HMCN1: variants seen among roughly 807,000 people sequenced by gnomAD.
The protein encoded by HMCN1 is hemicentin-1.
HMCN1 carries 321 observed loss-of-function variants against 625.9 expected under a neutral mutation model. That is an observed-to-expected ratio of 0.51 (90% CI 0.47 to 0.56). HMCN1 has a LOEUF of 0.56. Ranked by LOEUF, HMCN1 falls within the 20% of genes least tolerant of loss-of-function variation. The probability of loss-of-function intolerance (pLI) is 0.00; values close to 1 mark genes in which losing one functional copy is unlikely to be tolerated. For missense variants in HMCN1, 6,588 were observed against 6,887.3 expected, an observed-to-expected ratio of 0.96 and a Z score of 1.54; for synonymous variants, 2,425 against 2,417.6, an observed-to-expected ratio of 1.00 and a Z score of -0.09.
At chr1:185,849,912 T>C (rs1167812888) in intron 2 of HMCN1, among the ~76,000 whole-genome samples, 1 of 152,206 alleles carries the variant, frequency 6.6e-6, no homozygotes, top group Non-Finnish European at 1.5e-5. Context: ...ACTATTTGCT[T>C]TTCTCTGCCT....
rs139629275 is a variant in HMCN1, at chr1:186,095,422, C to T, written c.10474C>T (p.Gln3492Ter). Reference sequence around the variant, plus strand: ...AGTCAGCACCCATGGAATGGTCCTGCAGCTCCTCAAAGCAGAGACTGAAGA... The same window carrying T: ...AGTCAGCACCCATGGAATGGTCCTGTAGCTCCTCAAAGCAGAGACTGAAGA... ...LTVSTHGMVL[Q>*]LLKAETEDSG... Residue 3492 changes from glutamine (Q) to a stop codon, truncating the protein, a stop_gained, in exon 68 of 107, where the codon CAG becomes TAG. Transcript: ENST00000271588. LOFTEE classifies it high-confidence loss of function. 2 of 1,613,700 alleles carry T rather than the reference C, an allele frequency of 1.2e-6. No individual in the cohort carries two copies. The highest frequency in any genetic ancestry group is 1.7e-6 in the Non-Finnish European group (2 of 1,179,812).
chr1:185,744,521 C>G (rs1571294239), intron 1 of HMCN1, among the ~76,000 whole-genome samples: 4 of 152,138 alleles, frequency 2.6e-5, no homozygotes, highest in Admixed American at 2.6e-4. Flanking sequence ...GTTATTTAGT[C>G]TATCAATTAC....
chr1:185,950,319 G>T (rs1474421587), intron 11 of HMCN1, among the ~76,000 whole-genome samples: 5 of 151,854 alleles, frequency 3.3e-5, no homozygotes, highest in African/African-American at 4.9e-5. Context: ...TGTAGAGAGT[G>T]AGTTGAGCAT....
chr1:186,007,634 T>C (rs1653729211), intron 30 of HMCN1, among the ~76,000 whole-genome samples: 1 of 152,148 alleles, frequency 6.6e-6, no homozygotes, highest in South Asian at 2.1e-4. Flanking sequence ...TGAAATAGAA[T>C]GAAGTTGATG....
At chr1:186,150,136 A>G (rs1036095894) in intron 93 of HMCN1, among the ~76,000 whole-genome samples, 4 of 152,022 alleles carry the variant, frequency 2.6e-5, no homozygotes, top group Non-Finnish European at 5.9e-5. Context: ...CAATTTGTAA[A>G]AAAAACGCAG....
At chr1:186,162,874 G>T (rs1340527278) in intron 97 of HMCN1, among the ~76,000 whole-genome samples, 1 of 152,220 alleles carries the variant, frequency 6.6e-6, no homozygotes, top group Non-Finnish European at 1.5e-5. Context: ...ACCCACTTGA[G>T]GAGGCAGTCT....
intron 2 of HMCN1, among the ~76,000 whole-genome samples, chr1:185,855,718 G>C (rs1300633706): frequency 6.6e-6 from 1 of 152,152 alleles, no homozygotes; most frequent in Non-Finnish European, 1.5e-5. Flanking sequence ...TGAAAGATCA[G>C]TTGCCGATGA....
chr1:185,833,896 T>C (rs904128531), intron 1 of HMCN1, among the ~76,000 whole-genome samples: 3 of 152,358 alleles, frequency 2.0e-5, no homozygotes, highest in African/African-American at 7.2e-5. Flanking sequence ...TGGTTATTTA[T>C]GTATCTGTGC....
chr1:185,969,146 G>A (rs1356635877), intron 14 of HMCN1, among the ~76,000 whole-genome samples: 3 of 152,178 alleles, frequency 2.0e-5, no homozygotes, highest in Non-Finnish European at 4.4e-5. Context: ...AGTGAGGTCA[G>A]ATTGCATCCT....
At position 185,866,867 on chromosome 1, in the gene HMCN1, C is replaced by CT. The variant is rs957688264; in HGVS notation, c.621+1014dup. 1.2e-4 allele frequency among the ~76,000 whole-genome samples: 17 copies of CT among 147,226 alleles called. No individual in the cohort carries two copies. In the East Asian group the frequency reaches 1.4e-3, roughly 12 times the overall value. ...ATTTATTTTTATTTTTTGTTTAGTC[C>CT]TTTTTTTTTTAAGTTCTGGGGTACA... On this transcript the variant is annotated intron_variant, in intron 4 of 106. Transcript: ENST00000271588.
chr1:185,997,829 G>GT (rs1553271943), intron 25 of HMCN1, among the ~76,000 whole-genome samples: 1 of 148,720 alleles, frequency 6.7e-6, no homozygotes, highest in South Asian at 2.1e-4. Flanking sequence ...TTTTTGGCAG[G>GT]TTTTGTCTTT....
At chr1:185,767,954 A>G (rs73058398) in intron 1 of HMCN1, among the ~76,000 whole-genome samples, 13,701 of 152,250 alleles carry the variant, frequency 0.09, 1,964 homozygotes, top group African/African-American at 0.3. Context: ...AAAGATGGCT[A>G]TCAGAAGAAA....
intron 2 of HMCN1, among the ~76,000 whole-genome samples, chr1:185,856,481 C>G (rs1351066836): frequency 6.9e-6 from 1 of 143,894 alleles, no homozygotes; most frequent in Non-Finnish European, 1.5e-5. Context: ...GAGCTAGACC[C>G]TGTCTCAAAA....
intron 11 of HMCN1, among the ~76,000 whole-genome samples, chr1:185,957,305 A>T (rs138665009): frequency 6.6e-6 from 1 of 152,212 alleles, no homozygotes; most frequent in Admixed American, 6.5e-5. Flanking sequence ...ACAAAATGTG[A>T]GTGAGTTTTG....
intron 1 of HMCN1, among the ~76,000 whole-genome samples, chr1:185,821,643 T>G (rs77096385): frequency 0.017 from 2,612 of 151,954 alleles, 82 homozygotes; most frequent in African/African-American, 0.058. Flanking sequence ...TGGCTCTGCT[T>G]TTTTAGACTT....
At chr1:185,926,158 T>G (rs1667266327) in intron 9 of HMCN1, among the ~76,000 whole-genome samples, 1 of 152,202 alleles carries the variant, frequency 6.6e-6, no homozygotes, top group African/African-American at 2.4e-5. Flanking sequence ...AACAACATTT[T>G]GGGAAAATCT....
rs1369226755 is a variant in HMCN1 at position 186,120,389 on chromosome 1, CTGTT to C, written c.12229+247_12229+250del. On this transcript the variant is annotated intron_variant, in intron 80 of 106. Transcript: ENST00000271588. ...TCCTATTTTGAACTTCTATGAACCTCTGTTTGATACTCCATTTCATTATAGCATA... is the reference window on the plus strand; with the variant it reads ...TCCTATTTTGAACTTCTATGAACCTCTGATACTCCATTTCATTATAGCATA... Among the ~76,000 whole-genome samples, 6 of 152,292 alleles carry C rather than the reference CTGTT, an allele frequency of 3.9e-5. No individual in the cohort carries two copies. The South Asian group carries it at 1.2e-3, about 32-fold the overall frequency.
Position 185,987,403 on chromosome 1 carries a change from C to G in HMCN1, c.2936-29C>G, listed in dbSNP as rs753370381. 3.0e-6 allele frequency: 4 copies of G among 1,354,992 alleles called. No individual in the cohort carries two copies. The Admixed American group carries it at 6.7e-5, about 23-fold the overall frequency. 83.9% of individuals were successfully genotyped at this position (1,354,992 alleles called of 1,614,324 possible). A position where few individuals can be genotyped will look rare whatever the true frequency, so the allele number is the denominator to read the frequency against. ...GATTTTAAATGGAAGAACAGGTGCTCAGATTCCAAATCCTACTTACCTTTT... is the reference window on the plus strand; with the variant it reads ...GATTTTAAATGGAAGAACAGGTGCTGAGATTCCAAATCCTACTTACCTTTT... On this transcript the variant is annotated intron_variant, in intron 19 of 106. Coordinates refer to ENST00000271588, the MANE Select transcript of HMCN1 (RefSeq NM_031935.3).
intron 13 of HMCN1, among the ~76,000 whole-genome samples, chr1:185,964,810 T>C (rs1650285609): frequency 6.6e-6 from 1 of 151,994 alleles, no homozygotes; most frequent in Non-Finnish European, 1.5e-5. Flanking sequence ...TGAAAGGTTG[T>C]GGCAAAGGGC....
Sources: gnomAD v4.1 joint callset for allele counts (sites outside exome capture counted in the v4.1 genomes callset) on GRCh38, gnomAD v4.1.1 for gene constraint, MANE v1.5 for transcripts, NCBI Gene and HGNC (gene_info 2026-07-23, HGNC 2026-07-21) for gene names.